Variants in SPATA6L observed in about 807,000 individuals in gnomAD.
The protein encoded by SPATA6L is spermatogenesis associated 6-like protein.
A neutral mutation model predicts 49.2 loss-of-function variants in SPATA6L; 68 were observed. The observed-to-expected ratio is 1.38, with a 90% CI of 1.14 to 1.69. The LOEUF is 1.69. Among genes scored for constraint, SPATA6L ranks in the 40% most tolerant of loss-of-function variants. The pLI is 0.00. For synonymous variants in SPATA6L, 198 were observed against 165.7 expected (o/e 1.19, Z -1.50); for missense variants, 668 against 464.3 (o/e 1.44, Z -4.03).
chr9:4,638,105 T>C (rs1047810595), intron 3 of SPATA6L, among the ~76,000 whole-genome samples: 4 of 152,314 alleles, frequency 2.6e-5, no homozygotes, highest in African/African-American at 4.8e-5. Context: ...TAAACAATTA[T>C]ACAAATAAAG....
chr9:4,651,961 A>T (rs1284951148), intron 3 of SPATA6L, among the ~76,000 whole-genome samples: 1 of 149,602 alleles, frequency 6.7e-6, no homozygotes, highest in Non-Finnish European at 1.5e-5. Flanking sequence ...GAAATTAGAC[A>T]TGAAAATGAA....
At chr9:4,663,107 C>T (rs778403546) in intron 1 of SPATA6L, 3 of 1,614,064 alleles carry the variant, frequency 1.9e-6, no homozygotes, top group Non-Finnish European at 2.5e-6. Context: ...TGTGGGCCTT[C>T]GTCTTGGGCC....
intron 2 of SPATA6L, among the ~76,000 whole-genome samples, chr9:4,657,725 T>A (rs1838623849): frequency 6.6e-6 from 1 of 152,166 alleles, no homozygotes; most frequent in South Asian, 2.1e-4. Context: ...ATATTTAATT[T>A]GTTGGAGTGG....
At position 4,622,405 on chromosome 9, in the gene SPATA6L, T is replaced by A; in HGVS notation, c.772+3A>T. 6.3e-7 allele frequency: 1 copy of A among 1,587,776 alleles called. No individual in the cohort carries two copies. Among genetic ancestry groups the A allele is most frequent in the Non-Finnish European group, 8.6e-7 (1 of 1,156,358 alleles). On this transcript the variant is annotated splice_donor_region_variant and intron_variant, in intron 7 of 11. Coordinates refer to ENST00000682582, the MANE Select transcript of SPATA6L (RefSeq NM_001353486.2). The stretch of plus-strand genomic sequence containing the variant: ...GTACAGGAGTAACAAGAAACTCGAG[T>A]ACCTCTTCTCGTTGGAAACGGAAAG...
chr9:4,618,435 G>A (rs1020593535), intron 8 of SPATA6L, among the ~76,000 whole-genome samples: 3 of 152,074 alleles, frequency 2.0e-5, no homozygotes, highest in Non-Finnish European at 4.4e-5. Context: ...ATATTTAAGC[G>A]CTATGGCATA....
At chr9:4,613,833 C>T (rs1241118635) in intron 9 of SPATA6L, among the ~76,000 whole-genome samples, 1 of 152,182 alleles carries the variant, frequency 6.6e-6, no homozygotes, top group African/African-American at 2.4e-5. Flanking sequence ...ATCCACCCAC[C>T]TCGCTTCCCA....
intron 3 of SPATA6L, chr9:4,646,547 G>C: frequency 6.8e-7 from 1 of 1,469,806 alleles, no homozygotes; most frequent in Non-Finnish European, 9.0e-7. Flanking sequence ...GAAAAAATGA[G>C]ATTTTAATAC....
chr9:4,647,906 G>C (rs1199320735), intron 3 of SPATA6L, among the ~76,000 whole-genome samples: 4 of 151,638 alleles, frequency 2.6e-5, no homozygotes, highest in Non-Finnish European at 5.9e-5. Context: ...GCGATCTTGG[G>C]TCACTGCAAC....
intron 9 of SPATA6L, among the ~76,000 whole-genome samples, chr9:4,608,654 A>G (rs1169940955): frequency 6.8e-6 from 1 of 147,620 alleles, no homozygotes; most frequent in East Asian, 2.0e-4. Context: ...CAGTGTGTAG[A>G]GGGAAATTTA....
intron 6 of SPATA6L, among the ~76,000 whole-genome samples, chr9:4,624,727 CAAAAA>C (rs58455568): frequency 1.4e-5 from 1 of 72,500 alleles, no homozygotes. Flanking sequence ...GACTCTGTCT[CAAAAA>C]AAAAAAAAAA....
chr9:4,660,293 G>T (rs892552372), intron 2 of SPATA6L, among the ~76,000 whole-genome samples: 5 of 152,120 alleles, frequency 3.3e-5, no homozygotes, highest in African/African-American at 1.2e-4. Flanking sequence ...TGACAAAAGG[G>T]TTAATATCCA....
rs1033696064 is a variant in SPATA6L, at chr9:4,656,812, G to A, written c.178-723C>T. On this transcript the variant is annotated intron_variant, in intron 2 of 11. Transcript: ENST00000682582. ...CTAGAAAAACATTCTGTATACAACAGATACTCATTAAATGTTAACTGAATG... is the reference window on the plus strand; with the variant it reads ...CTAGAAAAACATTCTGTATACAACAAATACTCATTAAATGTTAACTGAATG... Among the ~76,000 whole-genome samples, 5 of 152,272 alleles carry A rather than the reference G, an allele frequency of 3.3e-5. No homozygotes were observed. The East Asian group carries it at 5.8e-4, about 18-fold the overall frequency.
Position 4,637,158 on chromosome 9 carries a change from G to A in SPATA6L, c.227-1759C>T, listed in dbSNP as rs12337603. The stretch of plus-strand genomic sequence containing the variant: ...ATTGCCACTCTCCCCCTTGATCATC[G>A]TTCCCTGTCATCCCTTACCCTTCTT... On this transcript the variant is annotated intron_variant, in intron 3 of 11. Coordinates refer to ENST00000682582, the MANE Select transcript of SPATA6L (RefSeq NM_001353486.2). Among the ~76,000 whole-genome samples, 707 of 152,028 alleles carry A rather than the reference G, an allele frequency of 4.7e-3. 9 individuals are homozygous for A. The highest frequency in any genetic ancestry group is 0.016 in the African/African-American group (664 of 41,460).
intron 2 of SPATA6L, among the ~76,000 whole-genome samples, chr9:4,656,783 C>G (rs892345493): frequency 6.6e-6 from 1 of 152,170 alleles, no homozygotes. Flanking sequence ...TGTTGTTTGA[C>G]TACCTAGAAA....
chr9:4,597,960 G>A (rs1406398789), downstream of SPATA6L, among the ~76,000 whole-genome samples: 1 of 152,192 alleles, frequency 6.6e-6, no homozygotes. Flanking sequence ...GCATTTGGGT[G>A]CTAGGGCTGA....
At chr9:4,616,455 C>T (rs1828032982) in intron 9 of SPATA6L, among the ~76,000 whole-genome samples, 1 of 152,178 alleles carries the variant, frequency 6.6e-6, no homozygotes, top group South Asian at 2.1e-4. Context: ...AGGATGACCT[C>T]CTGTGCTTTG....
At chr9:4,644,648 G>C (rs950361134) in intron 3 of SPATA6L, among the ~76,000 whole-genome samples, 3 of 150,178 alleles carry the variant, frequency 2.0e-5, no homozygotes, top group African/African-American at 7.4e-5. Context: ...AATTTTCTGA[G>C]TTTTCAGTAT....
chr9:4,603,125 T>C (rs1823777580), intron 11 of SPATA6L, among the ~76,000 whole-genome samples: 1 of 152,200 alleles, frequency 6.6e-6, no homozygotes, highest in Non-Finnish European at 1.5e-5. Flanking sequence ...ATATTCAACA[T>C]GCATTTATAA....
At chr9:4,645,179 T>C (rs941529546) in intron 3 of SPATA6L, among the ~76,000 whole-genome samples, 1 of 152,220 alleles carries the variant, frequency 6.6e-6, no homozygotes, top group Non-Finnish European at 1.5e-5. Flanking sequence ...TGGCAGTTCC[T>C]CACAAAGTTA....
Sources: gnomAD v4.1 joint callset for allele counts (sites outside exome capture counted in the v4.1 genomes callset) on GRCh38, gnomAD v4.1.1 for gene constraint, MANE v1.5 for transcripts, NCBI Gene and HGNC (gene_info 2026-07-23, HGNC 2026-07-21) for gene names.